Variants in HS6ST3 observed in about 807,000 individuals in gnomAD.
The protein encoded by HS6ST3 is heparan sulfate 6-O-sulfotransferase 3, also known as heparan-sulfate 6-O-sulfotransferase 3.
Under a neutral mutation model 36.7 loss-of-function variants are expected in HS6ST3, and 12 were observed. That is an observed-to-expected ratio of 0.33 (90% CI 0.21 to 0.53). HS6ST3 has a LOEUF of 0.53. HS6ST3 is among the 20% of genes least tolerant of loss of function. The pLI, the probability that HS6ST3 is intolerant of heterozygous loss-of-function variation, is 0.95. For synonymous variants in HS6ST3, 240 were observed against 257.5 expected (o/e 0.93, Z 0.65); for missense variants, 584 against 640.9 (o/e 0.91, Z 0.96).
At chr13:96,215,761 A>T (rs2054422793) in intron 1 of HS6ST3, among the ~76,000 whole-genome samples, 1 of 151,968 alleles carries the variant, frequency 6.6e-6, no homozygotes, top group Admixed American at 6.6e-5. Flanking sequence ...CACGGTTAGG[A>T]TATGGGCTAT....
At chr13:96,815,449 C>G (rs2138538077) in intron 1 of HS6ST3, among the ~76,000 whole-genome samples, 1 of 152,242 alleles carries the variant, frequency 6.6e-6, no homozygotes, top group African/African-American at 2.4e-5. Flanking sequence ...AGAACTTCAA[C>G]ATCTTTTTTT....
At chr13:96,125,068 T>A (rs915607266) in intron 1 of HS6ST3, among the ~76,000 whole-genome samples, 2 of 152,156 alleles carry the variant, frequency 1.3e-5, no homozygotes, top group Non-Finnish European at 2.9e-5. Context: ...CACTGGCTAT[T>A]TGGATTGCAA....
chr13:96,284,935 CTTT>C (rs2054794284), intron 1 of HS6ST3, among the ~76,000 whole-genome samples: 1 of 139,204 alleles, frequency 7.2e-6, no homozygotes, highest in Non-Finnish European at 1.6e-5. Context: ...TTCTTTCTTT[CTTT>C]CTTTCTTTCT....
Position 96,418,447 on chromosome 13 carries a change from C to T in HS6ST3, c.707+326878C>T, listed in dbSNP as rs117668453. ...GTTAAATTGTGCCTTCTGTCTTGCT[C>T]AGTGAGTTCTGAGCTTTATCTTTGG... On this transcript the variant is annotated intron_variant, in intron 1 of 1. Transcript: ENST00000376705. Among the ~76,000 whole-genome samples the T allele has an allele frequency of 7.7e-4, 118 of 152,292 alleles. 3 individuals carry two copies. The East Asian group carries it at 0.018, about 23-fold the overall frequency.
intron 1 of HS6ST3, among the ~76,000 whole-genome samples, chr13:96,780,604 C>G (rs1877502043): frequency 6.6e-6 from 1 of 152,070 alleles, no homozygotes; most frequent in Non-Finnish European, 1.5e-5. Context: ...TCAAATATTT[C>G]CTATAATTAT....
At chr13:96,614,142 C>T (rs1468823988) in intron 1 of HS6ST3, among the ~76,000 whole-genome samples, 1 of 151,204 alleles carries the variant, frequency 6.6e-6, no homozygotes, top group Non-Finnish European at 1.5e-5. Context: ...ACTAAAAATA[C>T]AAAAAATTAG....
chr13:96,256,261 A>G (rs2054637169), intron 1 of HS6ST3, among the ~76,000 whole-genome samples: 1 of 152,202 alleles, frequency 6.6e-6, no homozygotes, highest in South Asian at 2.1e-4. Context: ...GGTTGTATGA[A>G]ATGTGAGTAC....
intron 1 of HS6ST3, among the ~76,000 whole-genome samples, chr13:96,695,741 T>G (rs1875110195): frequency 6.6e-6 from 1 of 152,010 alleles, no homozygotes; most frequent in South Asian, 2.1e-4. Flanking sequence ...CCAGCCAGTA[T>G]GTACCCTTTG....
At chr13:96,226,202 A>G (rs1196009418) in intron 1 of HS6ST3, among the ~76,000 whole-genome samples, 2 of 152,202 alleles carry the variant, frequency 1.3e-5, no homozygotes, top group African/African-American at 4.8e-5. Context: ...CAAAGAGGAA[A>G]TACCTTGAAG....
chr13:96,375,726 C>T (rs2139443289), intron 1 of HS6ST3, among the ~76,000 whole-genome samples: 1 of 152,210 alleles, frequency 6.6e-6, no homozygotes, highest in South Asian at 2.1e-4. Context: ...CTACATTTGA[C>T]CTTGAATGAA....
intron 1 of HS6ST3, among the ~76,000 whole-genome samples, chr13:96,254,482 TATATATATATATATATACACATACATAC>T (rs1463007252): frequency 0.38 from 8,370 of 21,876 alleles, 1,326 homozygotes; most frequent in South Asian, 0.56. Flanking sequence ...TATATATATA[TATATATATATATATATACACATACATAC>T]ACACACACAC....
At chr13:96,433,760 C>A (rs1029438159) in intron 1 of HS6ST3, among the ~76,000 whole-genome samples, 1 of 152,068 alleles carries the variant, frequency 6.6e-6, no homozygotes, top group African/African-American at 2.4e-5. Context: ...CATGGTGAAA[C>A]CCCATCTTTA....
At chr13:96,298,477 G>T (rs1409485255) in intron 1 of HS6ST3, among the ~76,000 whole-genome samples, 1 of 152,130 alleles carries the variant, frequency 6.6e-6, no homozygotes, top group Non-Finnish European at 1.5e-5. Flanking sequence ...CTTTAGGCTC[G>T]TTGGCAAAGA....
intron 1 of HS6ST3, among the ~76,000 whole-genome samples, chr13:96,305,937 T>G (rs963866247): frequency 6.6e-6 from 1 of 151,480 alleles, no homozygotes; most frequent in African/African-American, 2.4e-5. Flanking sequence ...TCTTTCCTTT[T>G]TTTTTTAGAC....
intron 1 of HS6ST3, among the ~76,000 whole-genome samples, chr13:96,313,917 A>C (rs570079263): frequency 2.2e-4 from 34 of 152,250 alleles, no homozygotes; most frequent in Non-Finnish European, 4.4e-4. Flanking sequence ...AATCCTCCCC[A>C]AGGCCGTAAG....
intron 1 of HS6ST3, among the ~76,000 whole-genome samples, chr13:96,211,563 T>C (rs1228210754): frequency 6.6e-6 from 1 of 152,250 alleles, no homozygotes; most frequent in African/African-American, 2.4e-5. Context: ...TATCTAAATG[T>C]CTTTTATAAT....
At chr13:96,564,100 T>TG (rs2056272452) in intron 1 of HS6ST3, among the ~76,000 whole-genome samples, 1 of 152,186 alleles carries the variant, frequency 6.6e-6, no homozygotes, top group Non-Finnish European at 1.5e-5. Context: ...CAATTGAAAA[T>TG]GAAGTAACAA....
chr13:96,274,786 T>C (rs1436799750), intron 1 of HS6ST3, among the ~76,000 whole-genome samples: 2 of 151,308 alleles, frequency 1.3e-5, no homozygotes, highest in Non-Finnish European at 2.9e-5. Context: ...TGAAAGTGAC[T>C]TTTTAAAGCT....
intron 1 of HS6ST3, among the ~76,000 whole-genome samples, chr13:96,667,556 A>G (rs1025036689): frequency 7.2e-5 from 11 of 152,180 alleles, no homozygotes; most frequent in Non-Finnish European, 1.5e-4. Flanking sequence ...GCCTTCCACC[A>G]GAACGATAAT....
Sources: gnomAD v4.1 joint callset for allele counts (sites outside exome capture counted in the v4.1 genomes callset) on GRCh38, gnomAD v4.1.1 for gene constraint, MANE v1.5 for transcripts, NCBI Gene and HGNC (gene_info 2026-07-23, HGNC 2026-07-21) for gene names.